The following L3MBTL4 variants were observed in gnomAD, a reference collection of about 807,000 sequenced individuals.
L3MBTL4 encodes the protein L3MBTL histone methyl-lysine binding protein 4.
L3MBTL4 carries 70 observed loss-of-function variants against 84.5 expected under a neutral mutation model. The ratio of observed to expected loss-of-function variants is 0.83; its 90% CI spans 0.68 to 1.01. The LOEUF is 1.01. L3MBTL4 is among the 50% of genes least tolerant of loss of function. The probability of loss-of-function intolerance (pLI) is 0.00; values close to 1 mark genes in which losing one functional copy is unlikely to be tolerated. For missense variants in L3MBTL4, 715 were observed against 754.8 expected, an observed-to-expected ratio of 0.95 and a Z score of 0.62; for synonymous variants, 274 against 259.8, an observed-to-expected ratio of 1.05 and a Z score of -0.52.
At chr18:6,391,889 G>T (rs564027989) in intron 1 of L3MBTL4, among the ~76,000 whole-genome samples, 10 of 152,140 alleles carry the variant, frequency 6.6e-5, no homozygotes, top group African/African-American at 2.2e-4. Context: ...ACATGCTCAT[G>T]GATGGGAAGA....
At chr18:6,127,441 A>G (rs1269385485) in intron 14 of L3MBTL4, among the ~76,000 whole-genome samples, 1 of 152,204 alleles carries the variant, frequency 6.6e-6, no homozygotes, top group East Asian at 1.9e-4. Flanking sequence ...GATGACTTAG[A>G]ACAACTAGAG....
At chr18:6,304,359 T>C (rs2050488149) in intron 3 of L3MBTL4, among the ~76,000 whole-genome samples, 1 of 152,228 alleles carries the variant, frequency 6.6e-6, no homozygotes, top group African/African-American at 2.4e-5. Context: ...TTCTGCCTGG[T>C]AGATTTCACA....
rs903857698 is a variant in L3MBTL4, at chr18:6,073,651, G to A, written c.1444+7230C>T. 3.9e-5 allele frequency among the ~76,000 whole-genome samples: 6 copies of A among 152,274 alleles called. No homozygotes were observed. The South Asian group carries it at 1.2e-3, about 32-fold the overall frequency. On this transcript the variant is annotated intron_variant, in intron 16 of 18. Transcript: ENST00000317931. ...AACACAGGGAGTTCTCACTTAGCAT[G>A]GTAGTCAGGGGGTATAAAATTGACG...
At chr18:6,092,300 G>C (rs2058485755) in intron 15 of L3MBTL4, among the ~76,000 whole-genome samples, 1 of 152,204 alleles carries the variant, frequency 6.6e-6, no homozygotes, top group Non-Finnish European at 1.5e-5. Flanking sequence ...CATGTGAAAA[G>C]TGTATCCTAT....
chr18:6,166,688 G>T (rs560758276), intron 13 of L3MBTL4, among the ~76,000 whole-genome samples: 1 of 152,030 alleles, frequency 6.6e-6, no homozygotes, highest in Admixed American at 6.6e-5. Flanking sequence ...AGTGTGTAGA[G>T]GGAAACTTAT....
intron 12 of L3MBTL4, among the ~76,000 whole-genome samples, chr18:6,187,796 A>C (rs977867974): frequency 1.3e-4 from 20 of 151,950 alleles, no homozygotes; most frequent in Non-Finnish European, 2.4e-4. Context: ...ATTTTTTTCT[A>C]TAATTCAATG....
chr18:6,117,154 C>T lies in L3MBTL4; in HGVS notation c.1199+21040G>A, dbSNP rs150965975. On this transcript the variant is annotated intron_variant, in intron 14 of 18. Coordinates refer to ENST00000317931, the MANE Select transcript of L3MBTL4 (RefSeq NM_001330559.2). ...ATAGTCAGAGATCTTGTGGAAAAAT[C>T]CCTTAGAATGGAAGAGACTGAGGGT... Among the ~76,000 whole-genome samples the T allele has an allele frequency of 3.3e-4, 50 of 152,266 alleles. 1 individual carries two copies. Among genetic ancestry groups the T allele is most frequent in the African/African-American group, 1.2e-3 (49 of 41,550 alleles).
rs528979038 is a variant in L3MBTL4 at position 5,990,248 on chromosome 18, A to C, written c.1445-20686T>G. Among the ~76,000 whole-genome samples the C allele has an allele frequency of 2.0e-5, 3 of 152,310 alleles. No homozygotes were observed. In the East Asian group the frequency reaches 5.8e-4, roughly 29 times the overall value. On this transcript the variant is annotated intron_variant, in intron 16 of 18. Transcript: ENST00000317931. ...ATCGATTTTCCATACTTGCCACACA[A>C]AATAAATCTTCTAAAATGGCAACTA...
intron 18 of L3MBTL4, 132 bp from the exon 19 acceptor site, chr18:5,956,519 G>C: frequency 1.4e-6 from 1 of 720,650 alleles, no homozygotes; most frequent in South Asian, 1.8e-5. Context: ...CAGTGAGAGA[G>C]AATGACGGTA....
chr18:6,169,392 C>A (rs530637815), intron 13 of L3MBTL4, among the ~76,000 whole-genome samples: 20 of 151,990 alleles, frequency 1.3e-4, no homozygotes, highest in African/African-American at 1.9e-4. Context: ...ATGTTTATTG[C>A]GGCACTATTC....
intron 16 of L3MBTL4, among the ~76,000 whole-genome samples, chr18:6,008,730 A>G (rs941546311): frequency 2.6e-5 from 4 of 152,214 alleles, no homozygotes; most frequent in Non-Finnish European, 4.4e-5. Context: ...AGTCCAGAGT[A>G]TCACGGGTTT....
rs908403542 is a variant in L3MBTL4 at position 6,381,160 on chromosome 18, AT to A, written c.-91+33640del. Among the ~76,000 whole-genome samples the A allele has an allele frequency of 4.4e-4, 66 of 150,624 alleles. 1 individual carries two copies. Among genetic ancestry groups the A allele is most frequent in the African/African-American group, 1.5e-3 (63 of 40,940 alleles). ...GCAACTCCTGCTTTTTTTATTTTTA[AT>A]TTTTTTTCTTTCCATTTGCTTGGTA... is the stretch of plus-strand genomic sequence containing the variant. On this transcript the variant is annotated intron_variant, in intron 1 of 18. Coordinates refer to ENST00000317931, the MANE Select transcript of L3MBTL4 (RefSeq NM_001330559.2).
chr18:5,965,931 C>A (rs1032454096), intron 17 of L3MBTL4, among the ~76,000 whole-genome samples: 1 of 152,142 alleles, frequency 6.6e-6, no homozygotes, highest in African/African-American at 2.4e-5. Flanking sequence ...GCATTGTATG[C>A]GAGGCACTTA....
At chr18:6,173,659 G>A (rs927062354) in intron 12 of L3MBTL4, among the ~76,000 whole-genome samples, 2 of 151,966 alleles carry the variant, frequency 1.3e-5, no homozygotes, top group Admixed American at 6.6e-5. Context: ...TGCACCTGTG[G>A]TCCCAGCTAC....
At chr18:6,283,452 T>C (rs962409139) in intron 4 of L3MBTL4, among the ~76,000 whole-genome samples, 3 of 152,198 alleles carry the variant, frequency 2.0e-5, no homozygotes, top group African/African-American at 7.2e-5. Context: ...AAATAAGTTC[T>C]TTCCTAAGCA....
At chr18:6,400,267 C>G (rs2055454344) in intron 1 of L3MBTL4, among the ~76,000 whole-genome samples, 1 of 152,138 alleles carries the variant, frequency 6.6e-6, no homozygotes, top group Non-Finnish European at 1.5e-5. Context: ...TAAGTCTAAA[C>G]CCAAATTAGT....
chr18:6,011,648 G>A (rs540404883), intron 16 of L3MBTL4, among the ~76,000 whole-genome samples: 2 of 152,254 alleles, frequency 1.3e-5, no homozygotes, highest in East Asian at 1.9e-4. Flanking sequence ...TGAAGGCAGC[G>A]ACATATCATA....
At chr18:6,038,013 G>A (rs1022095679) in intron 16 of L3MBTL4, among the ~76,000 whole-genome samples, 4 of 152,140 alleles carry the variant, frequency 2.6e-5, no homozygotes, top group African/African-American at 9.7e-5. Flanking sequence ...TGCACCCACA[G>A]ACAGGAGAAT....
intron 14 of L3MBTL4, among the ~76,000 whole-genome samples, chr18:6,118,513 T>C (rs2059427145): frequency 1.3e-5 from 2 of 152,156 alleles, no homozygotes; most frequent in South Asian, 4.1e-4. Flanking sequence ...AGCACAGTGC[T>C]GGATGCTTAA....
Sources: gnomAD v4.1 joint callset for allele counts (sites outside exome capture counted in the v4.1 genomes callset) on GRCh38, gnomAD v4.1.1 for gene constraint, MANE v1.5 for transcripts, NCBI Gene and HGNC (gene_info 2026-07-23, HGNC 2026-07-21) for gene names.